Variants in CIMIP6 observed in about 807,000 individuals in gnomAD.
CIMIP6 encodes the protein uncharacterized protein C2orf73.
At chr2:54,343,784 G>A in the CIMIP6 span, 1 of 1,612,822 alleles carries the variant, frequency 6.2e-7, no homozygotes, top group Non-Finnish European at 8.5e-7. Flanking sequence ...GACTCTAAGA[G>A]CACCCAGAGG....
chr2:54,354,376 A>G, the CIMIP6 span, among the ~76,000 whole-genome samples: 1 of 152,174 alleles, frequency 6.6e-6, no homozygotes, highest in Non-Finnish European at 1.5e-5. Context: ...CAAAATATCC[A>G]GCTAGAATTT....
the CIMIP6 span, among the ~76,000 whole-genome samples, chr2:54,365,341 A>G: frequency 2.0e-5 from 3 of 152,172 alleles, no homozygotes; most frequent in African/African-American, 7.2e-5. Flanking sequence ...CCCCATAGTG[A>G]CAATTAATAA....
At chr2:54,379,610 C>A in the CIMIP6 span, among the ~76,000 whole-genome samples, 4 of 151,774 alleles carry the variant, frequency 2.6e-5, no homozygotes, top group African/African-American at 9.7e-5. Context: ...GAGGCCAAGG[C>A]GGGATTCCTT....
the CIMIP6 span, chr2:54,359,189 T>C: frequency 1.5e-6 from 1 of 672,774 alleles, no homozygotes; most frequent in Non-Finnish European, 2.6e-6. Context: ...ACTTCAGTTA[T>C]TAATAGGATA....
chr2:54,357,864 C>G, the CIMIP6 span, among the ~76,000 whole-genome samples: 1 of 151,846 alleles, frequency 6.6e-6, no homozygotes, highest in Non-Finnish European at 1.5e-5. Flanking sequence ...GGATTACAGG[C>G]GTGGGCTACT....
the CIMIP6 span, chr2:54,330,996 G>C: frequency 2.5e-6 from 4 of 1,613,610 alleles, no homozygotes; most frequent in Non-Finnish European, 3.4e-6. Flanking sequence ...AGGAAGATAA[G>C]CATCAGTAAG....
the CIMIP6 span, chr2:54,360,449 C>G: frequency 6.3e-7 from 1 of 1,591,406 alleles, no homozygotes; most frequent in Non-Finnish European, 8.6e-7. Flanking sequence ...CAAGGCATGC[C>G]CCAGCACTCC....
chr2:54,355,544 T>G, the CIMIP6 span, among the ~76,000 whole-genome samples: 15 of 152,190 alleles, frequency 9.9e-5, no homozygotes, highest in Non-Finnish European at 1.9e-4. Context: ...ATCATCATCA[T>G]TTTCTCAAAT....
At chr2:54,343,994 A>G in the CIMIP6 span, 4 of 922,302 alleles carry the variant, frequency 4.3e-6, no homozygotes, top group Non-Finnish European at 4.6e-6. Flanking sequence ...AGTTGAAAAT[A>G]CACACACAGC....
chr2:54,334,965 G>C, the CIMIP6 span: 4 of 1,604,716 alleles, frequency 2.5e-6, no homozygotes, highest in South Asian at 1.1e-5. Flanking sequence ...TAACACAAAT[G>C]CAAGAACATA....
chr2:54,352,851 A>C, the CIMIP6 span, among the ~76,000 whole-genome samples: 1 of 152,142 alleles, frequency 6.6e-6, no homozygotes, highest in East Asian at 1.9e-4. Context: ...TTTGTGGTTT[A>C]TTTTTCCTGA....
the CIMIP6 span, among the ~76,000 whole-genome samples, chr2:54,341,892 T>C: frequency 6.6e-6 from 1 of 152,210 alleles, no homozygotes; most frequent in African/African-American, 2.4e-5. Flanking sequence ...AACAGTAAGA[T>C]GTGACTATTT....
chr2:54,353,002 T>C, the CIMIP6 span, among the ~76,000 whole-genome samples: 29 of 152,328 alleles, frequency 1.9e-4, no homozygotes, highest in Non-Finnish European at 2.9e-4. Flanking sequence ...ATCTCCACTG[T>C]CCTGCTCCTT....
the CIMIP6 span, chr2:54,382,048 C>G: frequency 7.0e-7 from 1 of 1,437,934 alleles, no homozygotes; most frequent in Non-Finnish European, 9.1e-7. Context: ...TTAGGTAGCT[C>G]ACTCCCTAAG....
chr2:54,331,131 T>C, the CIMIP6 span: 7 of 831,140 alleles, frequency 8.4e-6, no homozygotes, highest in Admixed American at 2.6e-5. Flanking sequence ...TAATTTCCAG[T>C]TGGCTGAGCG....
the CIMIP6 span, among the ~76,000 whole-genome samples, chr2:54,371,170 A>G: frequency 3.3e-5 from 5 of 152,212 alleles, no homozygotes; most frequent in African/African-American, 1.2e-4. Flanking sequence ...GTTTAAGAAG[A>G]AAGAGGAAAC....
the CIMIP6 span, among the ~76,000 whole-genome samples, chr2:54,346,762 C>T: frequency 6.6e-6 from 1 of 152,170 alleles, no homozygotes; most frequent in East Asian, 1.9e-4. Context: ...TGCTATTACC[C>T]TGCTTCCTTT....
the CIMIP6 span, among the ~76,000 whole-genome samples, chr2:54,376,138 C>A: frequency 2.0e-5 from 3 of 152,056 alleles, no homozygotes; most frequent in Non-Finnish European, 4.4e-5. Context: ...CCAACTCAAG[C>A]AATCCTCCTG....
the CIMIP6 span, among the ~76,000 whole-genome samples, chr2:54,364,459 G>C: frequency 5.9e-5 from 9 of 152,140 alleles, no homozygotes; most frequent in Non-Finnish European, 1.2e-4. Context: ...AAGTACTGAA[G>C]CATTTTAAAA....
Sources: allele counts gnomAD v4.1 joint callset (sites outside exome capture counted in the v4.1 genomes callset), GRCh38; gene constraint gnomAD v4.1.1; transcripts MANE v1.5; gene names NCBI Gene and HGNC (gene_info 2026-07-23, HGNC 2026-07-21).